THEMIS2: variants seen among roughly 807,000 people sequenced by gnomAD.
THEMIS2 encodes protein THEMIS2.
In THEMIS2, 29 loss-of-function variants were observed where a neutral mutation model predicts 46.8. The ratio of observed to expected loss-of-function variants is 0.62; its 90% confidence interval spans 0.46 to 0.84. The LOEUF (loss-of-function observed/expected upper bound fraction) is 0.84, where lower values mean the gene tolerates loss of function less well. Ranked by LOEUF, THEMIS2 falls within the 40% of genes least tolerant of loss-of-function variation. The probability of loss-of-function intolerance (pLI) is 0.00; values close to 1 mark genes in which losing one functional copy is unlikely to be tolerated. For missense variants in THEMIS2, 698 were observed against 834.7 expected, an observed-to-expected ratio of 0.84 and a Z score of 2.02; for synonymous variants, 335 against 349.1, an observed-to-expected ratio of 0.96 and a Z score of 0.45.
chr1:27,874,438 C>G (rs141425257), intron 1 of THEMIS2, among the ~76,000 whole-genome samples: 2 of 148,694 alleles, frequency 1.3e-5, no homozygotes, highest in African/African-American at 5.0e-5. Context: ...CCTAGGAGTT[C>G]GAGATCAGCC....
chr1:27,876,831 G>C, intron 2 of THEMIS2, 103 bp downstream of exon 2: 1 of 1,446,968 alleles, frequency 6.9e-7, no homozygotes, highest in Non-Finnish European at 9.3e-7. Context: ...CCCTCCCCTC[G>C]GGGTTTGCTC....
At chr1:27,875,357 AGTAGCCCTTGGCACAGTGCCGGGTATCT>A (rs1484289549) in intron 1 of THEMIS2, among the ~76,000 whole-genome samples, 1 of 152,272 alleles carries the variant, frequency 6.6e-6, no homozygotes, top group Non-Finnish European at 1.5e-5. Flanking sequence ...ATGACGCATC[AGTAGCCCTTGGCACAGTGCCGGGTATCT>A]GTAGTACCAC....
At chr1:27,873,248 G>T (rs188356199) in intron 1 of THEMIS2, among the ~76,000 whole-genome samples, 25 of 152,260 alleles carry the variant, frequency 1.6e-4, no homozygotes, top group Middle Eastern at 3.4e-3. Flanking sequence ...CCGTCTGCCC[G>T]CAGCGGCCTG....
chr1:27,873,405 C>T (rs928176723), intron 1 of THEMIS2, among the ~76,000 whole-genome samples: 2 of 152,094 alleles, frequency 1.3e-5, no homozygotes, highest in African/African-American at 4.8e-5. Flanking sequence ...AGGGAGGACC[C>T]GTGGGCCACC....
In THEMIS2 at chr1:27,882,239, C is replaced by T. The variant is rs2089693382; in HGVS notation, c.915C>T (p.Ser305=). The stretch of plus-strand genomic sequence containing the variant: ...CACCCTGGCGGGTCCTGGCCTCAAG[C>T]AAGGGCCGCAAGGTGCCCAGGCACT... ...ASPPWRVLAS[S]KGRKVPRHFL... Residue 305 remains serine (S), a synonymous_variant, in exon 4 of 6, where the codon AGC becomes AGT. Transcript: ENST00000373921. The surrounding 1 kb of genome is among the most constrained non-coding windows in gnomAD (Gnocchi z 7.6). 1 of 1,607,530 alleles carries T rather than the reference C, an allele frequency of 6.2e-7. No homozygotes were observed. The highest frequency in any genetic ancestry group is 1.3e-5 in the African/African-American group (1 of 74,766).
chr1:27,881,865 G>C (rs1026650841), intron 3 of THEMIS2, 106 bp from the exon 4 acceptor site: 1 of 765,046 alleles, frequency 1.3e-6, no homozygotes, highest in East Asian at 2.7e-5. Context: ...AGAAAGAAAA[G>C]ACAGCAGCGG....
Position 27,885,329 on chromosome 1 carries a change from G to C in THEMIS2, c.1754G>C (p.Arg585Pro), listed in dbSNP as rs368016870. ...SQVLGLQQHA[R>P]LPKPKAKTLP... ...GTCTTAGGATTGCAGCAACACGCTC[G>C]GCTGCCCAAACCCAAGGCGAAGACC... is the stretch of plus-strand genomic sequence containing the variant. The change falls in exon 5 of 6, where the codon CGG (arginine) becomes CCG (proline). Residue 585 changes from arginine (R) to proline (P), a missense_variant. Coordinates refer to ENST00000373921, the MANE Select transcript of THEMIS2 (RefSeq NM_001105556.3). The C allele has an allele frequency of 6.2e-7, 1 of 1,614,088 alleles. No individual in the cohort carries two copies. The highest frequency in any genetic ancestry group is 1.1e-5 in the South Asian group (1 of 91,084).
intron 1 of THEMIS2, among the ~76,000 whole-genome samples, chr1:27,875,909 A>G (rs575467446): frequency 1.2e-4 from 18 of 151,972 alleles, no homozygotes; most frequent in East Asian, 5.8e-4. Context: ...TCCCTGTGTT[A>G]GCCAGGATGG....
At chr1:27,879,358 T>A (rs1003776828) in intron 2 of THEMIS2, among the ~76,000 whole-genome samples, 2 of 152,054 alleles carry the variant, frequency 1.3e-5, no homozygotes, top group East Asian at 1.9e-4. Flanking sequence ...GTCTAGTGTG[T>A]CTGTCAGGGA....
intron 3 of THEMIS2, among the ~76,000 whole-genome samples, chr1:27,881,057 G>A (rs2089669737): frequency 6.6e-6 from 1 of 151,916 alleles, no homozygotes; most frequent in Non-Finnish European, 1.5e-5. Context: ...TGGGATTACA[G>A]GCGTGAGCCA....
chr1:27,876,758 G>A, intron 2 of THEMIS2, 30 bp downstream of exon 2: 1 of 1,609,848 alleles, frequency 6.2e-7, no homozygotes, highest in African/African-American at 1.3e-5. Flanking sequence ...CTCCCCATGT[G>A]CCCTGGCACT....
At position 27,877,623 on chromosome 1, in the gene THEMIS2, G is replaced by A. The variant is rs116810846; in HGVS notation, c.235+895G>A. 7.3e-3 allele frequency among the ~76,000 whole-genome samples: 1,113 copies of A among 152,076 alleles called. 11 individuals are homozygous for A. The highest frequency in any genetic ancestry group is 0.017 in the Middle Eastern group (5 of 294). ...ATTACAGGCATGAGCCACCATGCCC[G>A]GCCAGAGCTCAATTATTTTAAGAGG... On this transcript the variant is annotated intron_variant, in intron 2 of 5. Transcript: ENST00000373921.
In THEMIS2 at chr1:27,882,605, T is replaced by C; in HGVS notation, c.1281T>C (p.Pro427=). ...GGGTCCTGCTGCCCTTCCACTTCCC[T>C]GGCAGTTTCGTGGAGGAGATGAGTG... The part of the protein sequence containing the change: ...PERVLLPFHF[P]GSFVEEMSDS... The change falls in exon 4 of 6, where the codon CCT becomes CCC. Residue 427 remains proline (P), a synonymous_variant. Coordinates refer to ENST00000373921, the MANE Select transcript of THEMIS2 (RefSeq NM_001105556.3). The surrounding 1 kb of genome is among the most constrained non-coding windows in gnomAD (Gnocchi z 7.6). 1.9e-6 allele frequency: 3 copies of C among 1,614,160 alleles called. No homozygotes were observed. The highest frequency in any genetic ancestry group is 1.7e-6 in the Non-Finnish European group (2 of 1,180,032).
chr1:27,881,626 G>A (rs2089680006), intron 3 of THEMIS2, among the ~76,000 whole-genome samples: 1 of 151,156 alleles, frequency 6.6e-6, no homozygotes. Flanking sequence ...ACAGGAGTTC[G>A]AGACCAGCCT....
At chr1:27,873,036 G>A (rs1460581137) in intron 1 of THEMIS2, among the ~76,000 whole-genome samples, 1 of 152,118 alleles carries the variant, frequency 6.6e-6, no homozygotes, top group African/African-American at 2.4e-5. Flanking sequence ...GAAGTGCAGG[G>A]TCAGTCTTCC....
chr1:27,880,103 G>A lies in THEMIS2; in HGVS notation c.646+49G>A, dbSNP rs189312821. The A allele has an allele frequency of 6.6e-5, 101 of 1,526,212 alleles. No homozygotes were observed. In the African/African-American group the frequency reaches 1.3e-3, roughly 19 times the overall value. 94.5% of individuals were successfully genotyped at this position (1,526,212 alleles called of 1,614,324 possible). ...GCGCGCTGCTGGGGGAGAGAAAGAG[G>A]GTTGCCCCTGGGAGCTGCTCTGATG... On this transcript the variant is annotated intron_variant, in intron 3 of 5. Transcript: ENST00000373921.
chr1:27,872,677 C>G lies in THEMIS2; in HGVS notation c.94+12C>G. 1.5e-6 allele frequency: 2 copies of G among 1,357,878 alleles called. No individual in the cohort carries two copies. Among genetic ancestry groups the G allele is most frequent in the Non-Finnish European group, 1.9e-6 (2 of 1,049,786 alleles). 84.1% of individuals were successfully genotyped at this position (1,357,878 alleles called of 1,614,324 possible). A position where few individuals can be genotyped will look rare whatever the true frequency, so the allele number is the denominator to read the frequency against. On this transcript the variant is annotated intron_variant, in intron 1 of 5. Transcript: ENST00000373921. This position sits in a 1 kb window ranked among gnomAD's most constrained non-coding sequence, Gnocchi z 4.9. ...GGTCTACTTCGAGGGTGAGCGGGGGCTGGAACCCCTCCGAGCACTCCCTTG... is the reference window on the plus strand; with the variant it reads ...GGTCTACTTCGAGGGTGAGCGGGGGGTGGAACCCCTCCGAGCACTCCCTTG...
Position 27,876,630 on chromosome 1 carries a change from C to T in THEMIS2, c.137C>T (p.Thr46Met), listed in dbSNP as rs749157499. 9.9e-6 allele frequency: 16 copies of T among 1,613,898 alleles called. No homozygotes were observed. The highest frequency in any genetic ancestry group is 1.3e-5 in the Non-Finnish European group (15 of 1,179,988). Residue 46 changes from threonine to methionine, a missense_variant, in exon 2 of 6, where the codon ACG (threonine) becomes ATG (methionine). Transcript: ENST00000373921. Reference sequence around the variant, plus strand: ...TCTGGGAATGAGTGCTGCCTCTCCACGGGGGACCTGATCAAGGTCACCCAG... The same window carrying T: ...TCTGGGAATGAGTGCTGCCTCTCCATGGGGGACCTGATCAAGGTCACCCAG... ...EISGNECCLS[T>M]GDLIKVTQVR...
At chr1:27,876,778 C>A (rs1164986602) in intron 2 of THEMIS2, 50 bp downstream of exon 2, 1 of 1,592,362 alleles carries the variant, frequency 6.3e-7, no homozygotes, top group Admixed American at 1.7e-5. Context: ...TCTCCTGGCA[C>A]ACCCGCAGGC....
Sources: allele counts gnomAD v4.1 joint callset (sites outside exome capture counted in the v4.1 genomes callset), GRCh38; gene constraint gnomAD v4.1.1; non-coding constraint Gnocchi (gnomAD v3.1); transcripts MANE v1.5; gene names NCBI Gene and HGNC (gene_info 2026-07-23, HGNC 2026-07-21).